CLVS1: variants seen among roughly 807,000 people sequenced by gnomAD.
The protein encoded by CLVS1 is clavesin-1.
In CLVS1, 10 loss-of-function variants were observed where a neutral mutation model predicts 33.1. The observed-to-expected ratio is 0.30, with a 90% CI of 0.19 to 0.51. The LOEUF is 0.51. Ranked by LOEUF, CLVS1 falls within the 20% of genes least tolerant of loss-of-function variation. The pLI, the probability that CLVS1 is intolerant of heterozygous loss-of-function variation, is 0.97. For synonymous variants in CLVS1, 163 were observed against 166.1 expected (o/e 0.98, Z 0.14); for missense variants, 343 against 433.4 (o/e 0.79, Z 1.85).
intron 2 of CLVS1, among the ~76,000 whole-genome samples, chr8:61,144,365 T>C (rs1563419475): frequency 2.0e-5 from 3 of 152,216 alleles, no homozygotes; most frequent in Admixed American, 6.5e-5. Context: ...TCCATGTCCC[T>C]GCAAAGGACA....
At chr8:61,495,797 G>A (rs1187003541) in intron 5 of CLVS1, among the ~76,000 whole-genome samples, 1 of 152,172 alleles carries the variant, frequency 6.6e-6, no homozygotes, top group Non-Finnish European at 1.5e-5. Flanking sequence ...TCAAGAAAGT[G>A]AAGCAATTAT....
At chr8:61,369,474 G>A (rs1161329320) in intron 2 of CLVS1, among the ~76,000 whole-genome samples, 1 of 152,084 alleles carries the variant, frequency 6.6e-6, no homozygotes, top group Non-Finnish European at 1.5e-5. Flanking sequence ...GTTTTTCAAA[G>A]ACCCACAGGC....
chr8:61,038,442 T>TATATATATAG, the CLVS1 span, among the ~76,000 whole-genome samples: 2 of 146,198 alleles, frequency 1.4e-5, no homozygotes, highest in African/African-American at 5.2e-5. Flanking sequence ...CGTTTGTATA[T>TATATATATAG]ATATATATAT....
chr8:61,353,701 T>A (rs1812568155), intron 2 of CLVS1, among the ~76,000 whole-genome samples: 2 of 138,490 alleles, frequency 1.4e-5, no homozygotes, highest in African/African-American at 2.7e-5. Flanking sequence ...TGAAACAAAA[T>A]AAACCCAAAG....
the CLVS1 span, among the ~76,000 whole-genome samples, chr8:61,021,517 ATTT>A: frequency 7.1e-6 from 1 of 141,730 alleles, no homozygotes; most frequent in Non-Finnish European, 1.6e-5. Context: ...TGACTGGCTA[ATTT>A]TTTTTTTTTT....
At chr8:61,142,607 T>G (rs1367253281) in intron 2 of CLVS1, among the ~76,000 whole-genome samples, 1 of 152,194 alleles carries the variant, frequency 6.6e-6, no homozygotes, top group African/African-American at 2.4e-5. Context: ...GCTTGGCAAA[T>G]ATGTCACCTT....
chr8:61,078,837 T>C (rs192730314), intron 1 of CLVS1, among the ~76,000 whole-genome samples: 83 of 152,324 alleles, frequency 5.4e-4, no homozygotes, highest in African/African-American at 1.9e-3. Flanking sequence ...AATGAAGTTA[T>C]ATAAATTCAT....
intron 1 of CLVS1, among the ~76,000 whole-genome samples, chr8:61,098,938 G>A (rs1805401016): frequency 6.6e-6 from 1 of 152,160 alleles, no homozygotes; most frequent in African/African-American, 2.4e-5. Flanking sequence ...TAAGGGGAAA[G>A]AGATTTGTAT....
At chr8:61,432,108 A>T (rs1240092786) in intron 3 of CLVS1, among the ~76,000 whole-genome samples, 2 of 152,202 alleles carry the variant, frequency 1.3e-5, no homozygotes, top group South Asian at 4.1e-4. Flanking sequence ...CTATGTTATA[A>T]AAAAGTATGC....
rs533101553 is a variant in CLVS1 at position 61,341,088 on chromosome 8, CA to C, written c.456-35516del. ...CTCTTAAAAGTATTGTCGATAAAAA[CA>C]TACCTTTAATGCACTGAAAAGAATA... On this transcript the variant is annotated intron_variant, in intron 2 of 5. Transcript: ENST00000325897. Among the ~76,000 whole-genome samples, 3 of 152,316 alleles carry C rather than the reference CA, an allele frequency of 2.0e-5. No homozygotes were observed. In the South Asian group the frequency reaches 6.2e-4, roughly 32 times the overall value.
Position 61,499,640 on chromosome 8 carries a change from TG to T in CLVS1, c.*99del. ...CTGACCCATGCAGACACGTGTGTTC[TG>T]CTTGACACAAGGTCCTCCACTCCTG... On this transcript the variant is annotated 3_prime_UTR_variant, in exon 6 of 6. Coordinates refer to ENST00000325897, the MANE Select transcript of CLVS1 (RefSeq NM_173519.3). 1.2e-6 allele frequency: 1 copy of T among 815,166 alleles called. No homozygotes were observed. The highest frequency in any genetic ancestry group is 2.1e-6 in the Non-Finnish European group (1 of 486,466). The allele number at this position is 815,166 out of a possible 1,614,324, so 50.5% of individuals were successfully genotyped here.
chr8:61,183,942 C>T (rs1226940206), intron 2 of CLVS1, among the ~76,000 whole-genome samples: 2 of 152,106 alleles, frequency 1.3e-5, no homozygotes, highest in African/African-American at 4.8e-5. Context: ...AAGAATATAA[C>T]GTGTTGTTTC....
At chr8:61,152,992 T>A (rs1477727202) in intron 2 of CLVS1, among the ~76,000 whole-genome samples, 2 of 152,018 alleles carry the variant, frequency 1.3e-5, no homozygotes, top group African/African-American at 4.8e-5. Flanking sequence ...ATGGTGAAGT[T>A]GGTCTCTACA....
chr8:61,082,517 A>AAC (rs1234869533), intron 1 of CLVS1, among the ~76,000 whole-genome samples: 215 of 145,944 alleles, frequency 1.5e-3, no homozygotes, highest in Non-Finnish European at 2.7e-3. Context: ...ACAACAACAA[A>AAC]AAACTGTGCC....
At position 61,458,562 on chromosome 8, in the gene CLVS1, A is replaced by T; in HGVS notation, c.977+20A>T. ...GAAAAGGTAAGGCCTGGGTTATCAG[A>T]GCCCCCCCCCCAGTCAGAGGTCAAT... is the stretch of plus-strand genomic sequence containing the variant. On this transcript the variant is annotated intron_variant, in intron 5 of 5. Transcript: ENST00000325897. The T allele has an allele frequency of 6.9e-7, 1 of 1,449,940 alleles. No individual in the cohort carries two copies. The highest frequency in any genetic ancestry group is 9.4e-7 in the Non-Finnish European group (1 of 1,068,770). 89.8% of individuals were successfully genotyped at this position (1,449,940 alleles called of 1,614,324 possible).
chr8:61,183,152 C>CGGGGGGGGGGGGGG (rs199550719), intron 2 of CLVS1, among the ~76,000 whole-genome samples: 1 of 72,886 alleles, frequency 1.4e-5, no homozygotes, highest in African/African-American at 3.0e-5. Context: ...GTGGGCAGGG[C>CGGGGGGGGGGGGGG]GGAGGGGGGC....
At chr8:61,355,571 C>G (rs1319534308) in intron 2 of CLVS1, among the ~76,000 whole-genome samples, 1 of 152,148 alleles carries the variant, frequency 6.6e-6, no homozygotes, top group African/African-American at 2.4e-5. Flanking sequence ...CCTCTTCCCC[C>G]ACCCCACAAC....
At chr8:61,330,421 C>T (rs1447664820) in intron 2 of CLVS1, among the ~76,000 whole-genome samples, 7 of 152,240 alleles carry the variant, frequency 4.6e-5, no homozygotes, top group East Asian at 1.9e-4. Context: ...TAATGGGGGA[C>T]GTTAGAAAAT....
At chr8:61,075,801 C>G (rs1804899263) in intron 1 of CLVS1, among the ~76,000 whole-genome samples, 1 of 152,210 alleles carries the variant, frequency 6.6e-6, no homozygotes, top group Non-Finnish European at 1.5e-5. Flanking sequence ...CTCCCTTTCA[C>G]TGCTCTATTA....
Sources: allele counts gnomAD v4.1 joint callset (sites outside exome capture counted in the v4.1 genomes callset), GRCh38; gene constraint gnomAD v4.1.1; transcripts MANE v1.5; gene names NCBI Gene and HGNC (gene_info 2026-07-23, HGNC 2026-07-21).